The following PTPN3 variants were observed in gnomAD, a reference collection of about 807,000 sequenced individuals.
PTPN3 encodes protein tyrosine phosphatase non-receptor type 3, also known as tyrosine-protein phosphatase non-receptor type 3.
A neutral mutation model predicts 132.7 loss-of-function variants in PTPN3; 96 were observed. The observed-to-expected ratio is 0.72, with a 90% CI of 0.61 to 0.86. PTPN3 has a LOEUF of 0.86. PTPN3 is among the 40% of genes least tolerant of loss of function. The pLI is 0.00. For missense variants in PTPN3, 1,125 were observed against 1,159.6 expected (o/e 0.97, Z 0.43); for synonymous variants, 398 against 429.0 (o/e 0.93, Z 0.89).
chr9:109,424,563 C>T (rs1227723921), intron 12 of PTPN3, among the ~76,000 whole-genome samples: 1 of 152,186 alleles, frequency 6.6e-6, no homozygotes, highest in Non-Finnish European at 1.5e-5. Flanking sequence ...CTCCTGGAAC[C>T]CTGAGTGTCC....
chr9:109,473,546 G>A (rs544334820), intron 1 of PTPN3, among the ~76,000 whole-genome samples: 1 of 152,260 alleles, frequency 6.6e-6, no homozygotes, highest in South Asian at 2.1e-4. Flanking sequence ...AATGCTGCGG[G>A]AGCCGCGGGC....
At chr9:109,513,653 A>C in the PTPN3 span, among the ~76,000 whole-genome samples, 1 of 152,066 alleles carries the variant, frequency 6.6e-6, no homozygotes, top group East Asian at 1.9e-4. Flanking sequence ...GGTGGGTTTA[A>C]ACTTCTGAAA....
At chr9:109,379,976 G>A (rs558206417) in intron 25 of PTPN3, among the ~76,000 whole-genome samples, 2 of 152,278 alleles carry the variant, frequency 1.3e-5, no homozygotes, top group Non-Finnish European at 2.9e-5. Flanking sequence ...CAGGGAGCCT[G>A]CTCCTGGACT....
In PTPN3 at chr9:109,463,322, C is replaced by T. The variant is rs547988784; in HGVS notation, c.113G>A (p.Gly38Asp). Reference protein sequence around the residue: ...EVICSIHFLDGVVQTFKVTKQ... With the variant: ...EVICSIHFLDDVVQTFKVTKQ... Reference sequence around the variant, plus strand: ...AGTAACTTTAAAGGTCTGTACCACGCCATCTAAAAAGTGGATGCTGCAAAT... The same window carrying T: ...AGTAACTTTAAAGGTCTGTACCACGTCATCTAAAAAGTGGATGCTGCAAAT... The change falls in exon 2 of 26, where the codon GGC becomes GAC. Residue 38 changes from glycine to aspartate, a missense_variant. By Grantham distance (94) the Gly-to-Asp change is moderately conservative (BLOSUM62 -1). Transcript: ENST00000374541. The T allele has an allele frequency of 5.9e-5, 95 of 1,613,110 alleles. 4 individuals are homozygous for T. The South Asian group carries it at 9.9e-4, about 17-fold the overall frequency.
chr9:109,386,853 A>G (rs1017508804), intron 22 of PTPN3, among the ~76,000 whole-genome samples: 5 of 152,194 alleles, frequency 3.3e-5, no homozygotes, highest in Non-Finnish European at 5.9e-5. Flanking sequence ...CAAGGGATGG[A>G]CAAGACGGGG....
At chr9:109,426,556 AT>A (rs1305637736) in intron 12 of PTPN3, among the ~76,000 whole-genome samples, 2 of 152,138 alleles carry the variant, frequency 1.3e-5, no homozygotes, top group Non-Finnish European at 2.9e-5. Flanking sequence ...TCCTTCATTC[AT>A]TTTTATAGAG....
chr9:109,433,341 C>A (rs765408475), intron 9 of PTPN3, among the ~76,000 whole-genome samples, 180 bp from the exon 10 acceptor site: 11 of 152,154 alleles, frequency 7.2e-5, no homozygotes, highest in Admixed American at 6.5e-5. Flanking sequence ...GTACTGAGTA[C>A]CAAATTCTTC....
chr9:109,510,574 AAAATATATATAT>A, the PTPN3 span, among the ~76,000 whole-genome samples: 30 of 49,206 alleles, frequency 6.1e-4, 2 homozygotes, highest in South Asian at 0.019. Flanking sequence ...AAAAAAAAAA[AAAATATATATAT>A]ATATATATAT....
In PTPN3 at chr9:109,438,180, C is replaced by T; in HGVS notation, c.521G>A (p.Ser174Asn). ...SIHHPGYLSD[S>N]HFIPDQNEDF... is the part of the protein sequence containing the mutation. ...CTCATTTTGATCGGGTATAAAGTGA[C>T]TATCGGAAAGATAGCCTGGATGATG... Residue 174 changes from serine (S) to asparagine (N), a missense_variant, in exon 8 of 26, where the codon AGT becomes AAT. Ser to Asn is a conservative substitution (Grantham distance 46). Coordinates refer to ENST00000374541, the MANE Select transcript of PTPN3 (RefSeq NM_002829.4). 2 of 1,613,592 alleles carry T rather than the reference C, an allele frequency of 1.2e-6. No homozygotes were observed. Among genetic ancestry groups the T allele is most frequent in the Non-Finnish European group, 1.7e-6 (2 of 1,179,538 alleles).
At chr9:109,500,797 T>C (rs929958400), upstream of PTPN3, among the ~76,000 whole-genome samples, 1 of 151,758 alleles carries the variant, frequency 6.6e-6, no homozygotes, top group African/African-American at 2.4e-5. Context: ...TGTGGTGGCA[T>C]GCACCTGTGG....
rs576217297 is a variant in PTPN3 at position 109,451,723 on chromosome 9, GCCAA to G, written c.368+2769_368+2772del. Reference sequence around the variant, plus strand: ...CTTCCACAGCGTATGGAAGTGGATGGCCAATGGCCAGGATGGGCCCTGGAGACAA... The same window carrying G: ...CTTCCACAGCGTATGGAAGTGGATGGTGGCCAGGATGGGCCCTGGAGACAA... On this transcript the variant is annotated intron_variant, in intron 5 of 25. Coordinates refer to ENST00000374541, the MANE Select transcript of PTPN3 (RefSeq NM_002829.4). Among the ~76,000 whole-genome samples, 22 of 152,306 alleles carry G rather than the reference GCCAA, an allele frequency of 1.4e-4. No homozygotes were observed. In the South Asian group the frequency reaches 4.6e-3, roughly 32 times the overall value.
At chr9:109,382,589 C>A in intron 23 of PTPN3, 142 bp from the exon 24 acceptor site, 1 of 896,922 alleles carries the variant, frequency 1.1e-6, no homozygotes, top group Admixed American at 2.6e-5. Context: ...AGCAATTCCT[C>A]CCCTCCTTCC....
chr9:109,514,167 A>G, the PTPN3 span, among the ~76,000 whole-genome samples: 1 of 152,260 alleles, frequency 6.6e-6, no homozygotes, highest in South Asian at 2.1e-4. Flanking sequence ...TTTCTATTTC[A>G]GGACCTTCTT....
intron 1 of PTPN3, among the ~76,000 whole-genome samples, chr9:109,474,366 G>A (rs995658429): frequency 2.0e-5 from 3 of 152,090 alleles, no homozygotes; most frequent in East Asian, 1.9e-4. Context: ...AAGGAGTTCC[G>A]CATCATTTAC....
chr9:109,520,124 A>G, the PTPN3 span, among the ~76,000 whole-genome samples: 3 of 149,514 alleles, frequency 2.0e-5, no homozygotes, highest in Non-Finnish European at 4.4e-5. Context: ...GCGCCACTGC[A>G]CTCCAGCCTG....
the PTPN3 span, among the ~76,000 whole-genome samples, chr9:109,538,190 T>C: frequency 6.6e-6 from 1 of 152,350 alleles, no homozygotes; most frequent in African/African-American, 2.4e-5. Context: ...ACTGCAATAT[T>C]TTCATCATTT....
chr9:109,480,862 C>A (rs570785491), intron 1 of PTPN3, among the ~76,000 whole-genome samples: 1 of 152,198 alleles, frequency 6.6e-6, no homozygotes, highest in East Asian at 1.9e-4. Context: ...GTGGCTGGTA[C>A]CCAACAGGTG....
At chr9:109,408,105 C>T (rs1015864623) in intron 17 of PTPN3, among the ~76,000 whole-genome samples, 1 of 152,118 alleles carries the variant, frequency 6.6e-6, no homozygotes, top group African/African-American at 2.4e-5. Context: ...TAAGCTGAGG[C>T]CAGAGATGCT....
At chr9:109,390,000 T>C (rs1177124506) in intron 21 of PTPN3, among the ~76,000 whole-genome samples, 1 of 152,238 alleles carries the variant, frequency 6.6e-6, no homozygotes, top group African/African-American at 2.4e-5. Context: ...TGCTGAGCTT[T>C]GGGCTGGCAC....
Sources: gnomAD v4.1 joint callset for allele counts (sites outside exome capture counted in the v4.1 genomes callset) on GRCh38, gnomAD v4.1.1 for gene constraint, MANE v1.5 for transcripts, NCBI Gene and HGNC (gene_info 2026-07-23, HGNC 2026-07-21) for gene names.